Variants in COL5A2 observed in about 807,000 individuals in gnomAD.
COL5A2 encodes the protein collagen alpha-2(V) chain.
Under a neutral mutation model 208.2 loss-of-function variants are expected in COL5A2, and 23 were observed. That is an observed-to-expected ratio of 0.11 (90% CI 0.08 to 0.16). The LOEUF is 0.16. Ranked by LOEUF, COL5A2 falls within the 10% of genes least tolerant of loss-of-function variation. COL5A2 has a pLI of 1.00. For missense variants in COL5A2, 1,590 were observed against 1,956.4 expected (o/e 0.81, Z 3.53); for synonymous variants, 625 against 628.5 (o/e 0.99, Z 0.08).
chr2:189,128,741 CTGT>C (rs1687655657), intron 1 of COL5A2, among the ~76,000 whole-genome samples: 1 of 151,944 alleles, frequency 6.6e-6, no homozygotes, highest in Non-Finnish European at 1.5e-5. Flanking sequence ...AACAAGAAAA[CTGT>C]TGTTCTTTAG....
chr2:189,350,708 G>C, the COL5A2 span, among the ~76,000 whole-genome samples: 1 of 152,090 alleles, frequency 6.6e-6, no homozygotes. Flanking sequence ...AATTGTTCTG[G>C]GCATCAAGGC....
At chr2:189,098,318 G>A (rs553848474) in intron 5 of COL5A2, among the ~76,000 whole-genome samples, 2 of 152,258 alleles carry the variant, frequency 1.3e-5, no homozygotes, top group Admixed American at 6.5e-5. Context: ...CCATAAATAT[G>A]CTCTCCTGCT....
rs748152055 is a variant in COL5A2, at chr2:189,053,473, G to C, written c.2504C>G (p.Ser835Cys). The C allele has an allele frequency of 6.2e-7, 1 of 1,613,562 alleles. No homozygotes were observed. The highest frequency in any genetic ancestry group is 2.2e-5 in the East Asian group (1 of 44,804). Residue 835 changes from serine to cysteine, a missense_variant, in exon 38 of 54, where the codon TCT becomes TGT. Ser to Cys is a moderately radical substitution (Grantham distance 112). Transcript: ENST00000374866. ...GPPGSRGNPG[S>C]RGENGPTGAV... is the part of the protein sequence containing the mutation. ...TCCAGTTGGCCCATTTTCACCTCGAGAACCCTAGGAGGAGACAAAGATTAC... is the reference window on the plus strand; with the variant it reads ...TCCAGTTGGCCCATTTTCACCTCGACAACCCTAGGAGGAGACAAAGATTAC...
intron 1 of COL5A2, among the ~76,000 whole-genome samples, chr2:189,148,651 T>C (rs1405975187): frequency 6.6e-6 from 1 of 152,148 alleles, no homozygotes; most frequent in African/African-American, 2.4e-5. Flanking sequence ...GCTATAACAA[T>C]CAAAAAGACT....
the COL5A2 span, among the ~76,000 whole-genome samples, chr2:189,360,823 T>C: frequency 2.6e-5 from 4 of 152,142 alleles, no homozygotes; most frequent in Non-Finnish European, 5.9e-5. Context: ...CTTGTGTCCA[T>C]GTGTTCTCAT....
At chr2:189,298,371 C>G in the COL5A2 span, among the ~76,000 whole-genome samples, 1 of 152,164 alleles carries the variant, frequency 6.6e-6, no homozygotes, top group African/African-American at 2.4e-5. Context: ...ACATAATTCT[C>G]TGCTGAAGTA....
the COL5A2 span, among the ~76,000 whole-genome samples, chr2:189,355,405 G>T: frequency 6.6e-6 from 1 of 152,074 alleles, no homozygotes; most frequent in African/African-American, 2.4e-5. Flanking sequence ...CTATTATTTT[G>T]TGGGAGTCTA....
intron 50 of COL5A2, among the ~76,000 whole-genome samples, chr2:189,039,770 G>A (rs1480228043): frequency 6.6e-6 from 1 of 151,722 alleles, no homozygotes; most frequent in Non-Finnish European, 1.5e-5. Context: ...TCATTTTTCA[G>A]GAAACATATC....
the COL5A2 span, among the ~76,000 whole-genome samples, chr2:189,417,419 G>T: frequency 3.0e-5 from 4 of 135,558 alleles, no homozygotes; most frequent in Admixed American, 1.6e-4. Context: ...TTTCTGGTAA[G>T]TTAAGTCTTC....
the COL5A2 span, among the ~76,000 whole-genome samples, chr2:189,318,246 T>G: frequency 6.6e-6 from 1 of 152,198 alleles, no homozygotes; most frequent in Admixed American, 6.5e-5. Context: ...ATGTACTGAC[T>G]TAAGAAATAA....
the COL5A2 span, among the ~76,000 whole-genome samples, chr2:189,411,259 T>C: frequency 6.6e-6 from 1 of 152,182 alleles, no homozygotes; most frequent in African/African-American, 2.4e-5. Flanking sequence ...CTGACAGATT[T>C]TTTTCTTTGC....
At chr2:189,214,412 C>G (rs1188454817) in intron 1 of COL5A2, among the ~76,000 whole-genome samples, 2 of 151,938 alleles carry the variant, frequency 1.3e-5, no homozygotes, top group Non-Finnish European at 2.9e-5. Context: ...CACAACAATA[C>G]TATATAAAAA....
chr2:189,264,844 T>C, the COL5A2 span, among the ~76,000 whole-genome samples: 1 of 152,162 alleles, frequency 6.6e-6, no homozygotes, highest in Non-Finnish European at 1.5e-5. Context: ...AGGAAAAATA[T>C]TGCCTAAAGA....
At chr2:189,098,852 C>T (rs1176932015) in intron 4 of COL5A2, 93 bp from the exon 5 acceptor site, 2 of 906,322 alleles carry the variant, frequency 2.2e-6, no homozygotes, top group Non-Finnish European at 3.6e-6. Flanking sequence ...ACAAAAACCA[C>T]AGTAATTTTT....
chr2:189,328,703 T>C, the COL5A2 span, among the ~76,000 whole-genome samples: 1 of 152,160 alleles, frequency 6.6e-6, no homozygotes, highest in Admixed American at 6.5e-5. Context: ...ACTGCTATAA[T>C]AAAGTCAACT....
chr2:189,174,483 T>C (rs1000917507), intron 1 of COL5A2, among the ~76,000 whole-genome samples: 6 of 152,224 alleles, frequency 3.9e-5, no homozygotes, highest in African/African-American at 1.4e-4. Context: ...AGCAAGTTAT[T>C]ACCAAAATCT....
the COL5A2 span, among the ~76,000 whole-genome samples, chr2:189,236,527 C>T: frequency 6.6e-6 from 1 of 151,830 alleles, no homozygotes; most frequent in Admixed American, 6.6e-5. Context: ...TCCTCTCCAA[C>T]ACTTGACATT....
chr2:189,059,443 A>G (rs1685972809), intron 31 of COL5A2, among the ~76,000 whole-genome samples: 1 of 151,924 alleles, frequency 6.6e-6, no homozygotes, highest in African/African-American at 2.4e-5. Flanking sequence ...TGTCAATTTG[A>G]AATTTCTTTC....
intron 1 of COL5A2, among the ~76,000 whole-genome samples, chr2:189,195,543 C>A (rs893195090): frequency 5.9e-5 from 9 of 152,184 alleles, no homozygotes; most frequent in African/African-American, 1.7e-4. Flanking sequence ...CTGGAGGCAT[C>A]ACCCTACCTG....
Sources: allele counts gnomAD v4.1 joint callset (sites outside exome capture counted in the v4.1 genomes callset), GRCh38; gene constraint gnomAD v4.1.1; transcripts MANE v1.5; gene names NCBI Gene and HGNC (gene_info 2026-07-23, HGNC 2026-07-21).